Variants in ZNF326 observed in about 807,000 individuals in gnomAD.
ZNF326 encodes the protein DBIRD complex subunit ZNF326.
A neutral mutation model predicts 63.1 loss-of-function variants in ZNF326; 30 were observed. The ratio of observed to expected loss-of-function variants is 0.48; its 90% CI spans 0.36 to 0.64. The LOEUF (loss-of-function observed/expected upper bound fraction) is 0.64. Among genes scored for constraint, ZNF326 ranks in the 30% least tolerant of loss-of-function variants. The pLI is 0.00. For synonymous variants in ZNF326, 194 were observed against 228.2 expected (o/e 0.85, Z 1.35); for missense variants, 609 against 720.3 (o/e 0.85, Z 1.77).
chr1:90,002,229 A>G (rs1433899944), intron 2 of ZNF326, among the ~76,000 whole-genome samples: 4 of 152,166 alleles, frequency 2.6e-5, no homozygotes, highest in Non-Finnish European at 5.9e-5. Flanking sequence ...GAACAATCAA[A>G]CAGAATCATT....
intron 2 of ZNF326, among the ~76,000 whole-genome samples, chr1:90,002,329 T>C (rs1278467545): frequency 6.6e-6 from 1 of 152,194 alleles, no homozygotes; most frequent in Non-Finnish European, 1.5e-5. Context: ...AATAATTTTA[T>C]GATTATAGTG....
In ZNF326 at chr1:90,027,276, T is replaced by C. The variant is rs552325588; in HGVS notation, c.1402-78T>C. The C allele has an allele frequency of 2.3e-5, 31 of 1,342,370 alleles. No individual in the cohort carries two copies. In the African/African-American group the frequency reaches 4.5e-4, roughly 20 times the overall value. 83.2% of individuals were successfully genotyped at this position (1,342,370 alleles called of 1,614,324 possible). ...AAAATGGCATTTATTTCTCATGATA[T>C]GGCAAGTAAAAATTTCACTTGCCAG... On this transcript the variant is annotated intron_variant, in intron 11 of 11. Coordinates refer to ENST00000340281, the MANE Select transcript of ZNF326 (RefSeq NM_182976.4).
chr1:90,002,757 CAT>C (rs1199363537), intron 2 of ZNF326, among the ~76,000 whole-genome samples: 3 of 152,104 alleles, frequency 2.0e-5, no homozygotes, highest in Non-Finnish European at 4.4e-5. Flanking sequence ...AACATATCTC[CAT>C]ATGTTTTGTA....
At chr1:90,009,399 CAA>C (rs1479704475) in intron 5 of ZNF326, among the ~76,000 whole-genome samples, 6 of 152,098 alleles carry the variant, frequency 3.9e-5, no homozygotes, top group East Asian at 1.9e-4. Context: ...GGAAGGGACA[CAA>C]AGAGTCGTTT....
intron 4 of ZNF326, chr1:90,005,446 C>T: frequency 7.7e-7 from 1 of 1,305,882 alleles, no homozygotes; most frequent in Non-Finnish European, 9.7e-7. Flanking sequence ...AGGAAAACAC[C>T]AGATAACTAT....
Position 90,030,212 on chromosome 1 carries a change from A to G in ZNF326, c.*2511A>G, listed in dbSNP as rs898635740. 6.6e-6 allele frequency: 1 copy of G among 152,204 alleles called. No homozygotes were observed. Among genetic ancestry groups the G allele is most frequent in the Non-Finnish European group, 1.5e-5 (1 of 68,036 alleles). 9.4% of individuals were successfully genotyped at this position (152,204 alleles called of 1,614,324 possible). ...TGCCGACTCTTCTACCTCCACTGCA[A>G]CCAACCCAGTTCAAGTCATGATAAT... On this transcript the variant is annotated 3_prime_UTR_variant, in exon 12 of 12. Transcript: ENST00000340281.
chr1:90,024,464 A>G (rs1649917573), intron 11 of ZNF326, among the ~76,000 whole-genome samples: 1 of 152,130 alleles, frequency 6.6e-6, no homozygotes, highest in African/African-American at 2.4e-5. Context: ...TGTGCGTGCC[A>G]GTCCTGTGTT....
intron 8 of ZNF326, among the ~76,000 whole-genome samples, chr1:90,018,127 A>G (rs1649586690): frequency 6.6e-6 from 1 of 152,084 alleles, no homozygotes. Context: ...CCCCGTCTTT[A>G]CTAAAAATAT....
At position 90,029,233 on chromosome 1, in the gene ZNF326, A is replaced by T. The variant is rs1479561705; in HGVS notation, c.*1532A>T. ...ATTTGTAGAATCCCACAGATAATTT[A>T]TCTTTTTGTGTAAAATAAGGCTTTT... On this transcript the variant is annotated 3_prime_UTR_variant, in exon 12 of 12. Coordinates refer to ENST00000340281, the MANE Select transcript of ZNF326 (RefSeq NM_182976.4). 2 of 152,140 alleles carry T rather than the reference A, an allele frequency of 1.3e-5. No individual in the cohort carries two copies. Among genetic ancestry groups the T allele is most frequent in the Non-Finnish European group, 2.9e-5 (2 of 68,016 alleles). 9.4% of individuals were successfully genotyped at this position (152,140 alleles called of 1,614,324 possible). A position where few individuals can be genotyped will look rare whatever the true frequency, so the allele number is the denominator to read the frequency against.
chr1:90,022,360 C>CA lies in ZNF326; in HGVS notation c.1401+20dup, dbSNP rs749118710. The CA allele has an allele frequency of 1.3e-6, 2 of 1,573,276 alleles. No individual in the cohort carries two copies. Among genetic ancestry groups the CA allele is most frequent in the Admixed American group, 3.5e-5 (2 of 57,754 alleles). On this transcript the variant is annotated intron_variant, in intron 11 of 11. Coordinates refer to ENST00000340281, the MANE Select transcript of ZNF326 (RefSeq NM_182976.4). ...GTTTTGTTAAGGTAAGATTTTAGGGCAAAAACCTTTTCAATAATATTGTAG... is the reference window on the plus strand; with the variant it reads ...GTTTTGTTAAGGTAAGATTTTAGGGCAAAAAACCTTTTCAATAATATTGTAG...
chr1:90,015,351 G>A (rs1424945150), intron 7 of ZNF326, among the ~76,000 whole-genome samples: 1 of 152,146 alleles, frequency 6.6e-6, no homozygotes, highest in African/African-American at 2.4e-5. Flanking sequence ...GATACCAGGA[G>A]TACAATGTAG....
intron 11 of ZNF326, among the ~76,000 whole-genome samples, chr1:90,024,557 T>G (rs1015308319): frequency 6.6e-6 from 1 of 152,166 alleles, no homozygotes. Context: ...CTTCCAACCT[T>G]TAATAACCTC....
intron 11 of ZNF326, among the ~76,000 whole-genome samples, chr1:90,025,178 C>G (rs1649957103): frequency 6.6e-6 from 1 of 152,106 alleles, no homozygotes; most frequent in African/African-American, 2.4e-5. Flanking sequence ...ACTAGTAGTT[C>G]TCAACCAGAG....
rs1650283314 is a variant in ZNF326, at chr1:90,031,799, A to T, written c.*4098A>T. 6.6e-6 allele frequency: 1 copy of T among 151,078 alleles called. No homozygotes were observed. Among genetic ancestry groups the T allele is most frequent in the South Asian group, 2.1e-4 (1 of 4,814 alleles). 9.4% of individuals were successfully genotyped at this position (151,078 alleles called of 1,614,324 possible). On this transcript the variant is annotated 3_prime_UTR_variant, in exon 12 of 12. Transcript: ENST00000340281. ...GGTCTTGAACTCCTGACCTCAAGTGATCTGCCTGCCTTGGCCTCCCAAAGT... is the reference window on the plus strand; with the variant it reads ...GGTCTTGAACTCCTGACCTCAAGTGTTCTGCCTGCCTTGGCCTCCCAAAGT...
intron 10 of ZNF326, among the ~76,000 whole-genome samples, chr1:90,021,552 C>G (rs1016150884): frequency 6.6e-6 from 1 of 152,076 alleles, no homozygotes; most frequent in African/African-American, 2.4e-5. Flanking sequence ...TTCTGCTTCT[C>G]TATTGGCTTG....
At chr1:90,006,528 G>T in intron 4 of ZNF326, 2 of 950,792 alleles carry the variant, frequency 2.1e-6, no homozygotes, top group Non-Finnish European at 2.5e-6. Flanking sequence ...ACCTCGAGGA[G>T]ACTGTGTGCT....
Position 90,035,035 on chromosome 1 carries a change from C to T in ZNF326, c.*7334C>T, listed in dbSNP as rs570380913. 7 of 152,198 alleles carry T rather than the reference C, an allele frequency of 4.6e-5. No homozygotes were observed. In the South Asian group the frequency reaches 1.5e-3, roughly 32 times the overall value. 9.4% of individuals were successfully genotyped at this position (152,198 alleles called of 1,614,324 possible). A position where few individuals can be genotyped will look rare whatever the true frequency, so the allele number is the denominator to read the frequency against. On this transcript the variant is annotated 3_prime_UTR_variant, in exon 12 of 12. Transcript: ENST00000340281. ...CTTGATAGATGCTCGAAAAACATTT[C>T]CTAAGATTGAACACATTCCAGATTT...
At position 90,028,488 on chromosome 1, in the gene ZNF326, CTG is replaced by C. The variant is rs1224341148; in HGVS notation, c.*791_*792del. Reference sequence around the variant, plus strand: ...TTAAGTTTGTTCCTTTTCCCTGTGCCTGTGTCAAATCTTCAAGTCTTGCTGAA... The same window carrying C: ...TTAAGTTTGTTCCTTTTCCCTGTGCCTGTCAAATCTTCAAGTCTTGCTGAA... On this transcript the variant is annotated 3_prime_UTR_variant, in exon 12 of 12. Coordinates refer to ENST00000340281, the MANE Select transcript of ZNF326 (RefSeq NM_182976.4). 1 of 152,158 alleles carries C rather than the reference CTG, an allele frequency of 6.6e-6. No homozygotes were observed. The highest frequency in any genetic ancestry group is 1.5e-5 in the Non-Finnish European group (1 of 68,018). The allele number at this position is 152,158 out of a possible 1,614,324, so 9.4% of individuals were successfully genotyped here.
chr1:90,018,161 G>C (rs753145863), intron 8 of ZNF326, among the ~76,000 whole-genome samples: 16 of 151,858 alleles, frequency 1.1e-4, no homozygotes, highest in African/African-American at 3.9e-4. Context: ...GCGTGGTGGC[G>C]CGTGCCTGTA....
Sources: allele counts gnomAD v4.1 joint callset (sites outside exome capture counted in the v4.1 genomes callset), GRCh38; gene constraint gnomAD v4.1.1; transcripts MANE v1.5; gene names NCBI Gene and HGNC (gene_info 2026-07-23, HGNC 2026-07-21).